SAMSN1: variants seen among roughly 807,000 people sequenced by gnomAD.
SAMSN1 encodes the protein SAM domain, SH3 domain and nuclear localization signals 1.
In SAMSN1, 31 loss-of-function variants were observed where a neutral mutation model predicts 42.0. The observed-to-expected ratio is 0.74, with a 90% confidence interval of 0.55 to 1.00. SAMSN1 has a LOEUF of 1.00. SAMSN1 is among the 50% of genes least tolerant of loss of function. The probability of loss-of-function intolerance (pLI) is 0.00; values close to 1 mark genes in which losing one functional copy is unlikely to be tolerated. For synonymous variants in SAMSN1, 178 were observed against 151.9 expected (o/e 1.17, Z -1.26); for missense variants, 464 against 439.4 (o/e 1.06, Z -0.50).
intron 2 of SAMSN1, among the ~76,000 whole-genome samples, chr21:14,618,079 T>C (rs1982890857): frequency 6.6e-6 from 1 of 152,244 alleles, no homozygotes; most frequent in Non-Finnish European, 1.5e-5. Context: ...TGGTTACTTT[T>C]ACTATGTATG....
At chr21:14,616,977 G>A (rs1020683825) in intron 2 of SAMSN1, among the ~76,000 whole-genome samples, 1 of 152,072 alleles carries the variant, frequency 6.6e-6, no homozygotes, top group African/African-American at 2.4e-5. Context: ...TCTTTATTTT[G>A]TTTGTATCAA....
intron 1 of SAMSN1, among the ~76,000 whole-genome samples, chr21:14,526,237 T>C (rs563428428): frequency 2.0e-5 from 3 of 152,372 alleles, no homozygotes; most frequent in East Asian, 1.9e-4. Context: ...TCATGGTTGT[T>C]TGGAAGTACA....
At chr21:14,489,558 T>G (rs1209085515) in intron 7 of SAMSN1, among the ~76,000 whole-genome samples, 1 of 152,172 alleles carries the variant, frequency 6.6e-6, no homozygotes, top group Non-Finnish European at 1.5e-5. Context: ...GTATCTAAAT[T>G]AGAATACACT....
upstream of SAMSN1, among the ~76,000 whole-genome samples, chr21:14,586,187 C>T (rs377711401): frequency 3.4e-4 from 46 of 133,752 alleles, no homozygotes; most frequent in Admixed American, 1.6e-3. Flanking sequence ...TGCTTGAACC[C>T]GGGAGGCAGA....
intron 6 of SAMSN1, among the ~76,000 whole-genome samples, chr21:14,598,549 A>T (rs187420655): frequency 6.6e-6 from 1 of 152,150 alleles, no homozygotes; most frequent in Admixed American, 6.6e-5. Flanking sequence ...GTTCTCCAGG[A>T]AGTTTATCCC....
intron 1 of SAMSN1, among the ~76,000 whole-genome samples, chr21:14,643,598 G>A (rs1328027950): frequency 6.6e-6 from 1 of 152,208 alleles, no homozygotes; most frequent in Non-Finnish European, 1.5e-5. Flanking sequence ...TTCAATGGCA[G>A]AGGAGGCGAA....
At chr21:14,564,471 C>G (rs1357149770) in intron 2 of SAMSN1, among the ~76,000 whole-genome samples, 2 of 152,104 alleles carry the variant, frequency 1.3e-5, no homozygotes, top group Non-Finnish European at 2.9e-5. Context: ...AACTGTGGTA[C>G]AAAACAGCTA....
chr21:14,521,294 G>T, intron 1 of SAMSN1, 73 bp from the exon 2 acceptor site: 2 of 995,078 alleles, frequency 2.0e-6, no homozygotes, highest in Non-Finnish European at 3.1e-6. Flanking sequence ...AAGTATATTA[G>T]ATTATAGTTT....
At chr21:14,512,763 A>G (rs1987744708) in intron 3 of SAMSN1, among the ~76,000 whole-genome samples, 190 bp from the exon 4 acceptor site, 1 of 152,236 alleles carries the variant, frequency 6.6e-6, no homozygotes, top group Non-Finnish European at 1.5e-5. Flanking sequence ...TGGAAAAATT[A>G]CTCAGATGAC....
intron 1 of SAMSN1, among the ~76,000 whole-genome samples, chr21:14,537,186 G>T (rs949921107): frequency 2.0e-5 from 3 of 152,138 alleles, no homozygotes; most frequent in African/African-American, 7.2e-5. Context: ...CTGCCCCACT[G>T]CTTCTCAAAC....
At chr21:14,573,176 C>A (rs1981354894) in intron 2 of SAMSN1, among the ~76,000 whole-genome samples, 1 of 152,050 alleles carries the variant, frequency 6.6e-6, no homozygotes. Context: ...GTGATGGTGG[C>A]AAAAGCAGAT....
intron 1 of SAMSN1, among the ~76,000 whole-genome samples, chr21:14,540,267 G>T (rs1367492792): frequency 6.6e-6 from 1 of 152,148 alleles, no homozygotes; most frequent in African/African-American, 2.4e-5. Flanking sequence ...AAAAGCAATG[G>T]CAACAAAAGC....
At chr21:14,570,379 T>A (rs1477165685) in intron 2 of SAMSN1, among the ~76,000 whole-genome samples, 1 of 152,196 alleles carries the variant, frequency 6.6e-6, no homozygotes, top group East Asian at 1.9e-4. Flanking sequence ...GTAGAAACAA[T>A]GGCCTATGTC....
intron 6 of SAMSN1, among the ~76,000 whole-genome samples, chr21:14,596,316 G>A (rs1982261542): frequency 6.6e-6 from 1 of 151,966 alleles, no homozygotes; most frequent in Non-Finnish European, 1.5e-5. Context: ...ACGAAATATA[G>A]CCCTATATTC....
At chr21:14,585,145 T>C (rs1205770394), upstream of SAMSN1, among the ~76,000 whole-genome samples, 2 of 152,234 alleles carry the variant, frequency 1.3e-5, no homozygotes, top group Non-Finnish European at 1.5e-5. Context: ...CCAAAGGCCA[T>C]GCTCTGCTCA....
At chr21:14,515,120 G>T (rs992578065) in intron 3 of SAMSN1, among the ~76,000 whole-genome samples, 35 of 152,158 alleles carry the variant, frequency 2.3e-4, no homozygotes, top group African/African-American at 8.4e-4. Context: ...CAGCACTTGG[G>T]TCAAATACAG....
intron 7 of SAMSN1, chr21:14,591,894 G>T (rs1335248928): frequency 1.3e-5 from 2 of 152,108 alleles, no homozygotes; most frequent in Non-Finnish European, 2.9e-5. Flanking sequence ...AAAAAAGAAA[G>T]GAGTCTTTCA....
chr21:14,643,839 G>A (rs568119494), intron 1 of SAMSN1, among the ~76,000 whole-genome samples: 1 of 152,364 alleles, frequency 6.6e-6, no homozygotes, highest in East Asian at 1.9e-4. Flanking sequence ...GCGGCCTGGT[G>A]TGGAGAGCAT....
chr21:14,495,195 C>A (rs1986867387), intron 7 of SAMSN1, among the ~76,000 whole-genome samples: 1 of 152,152 alleles, frequency 6.6e-6, no homozygotes, highest in Admixed American at 6.6e-5. Context: ...TTTATATAAC[C>A]ATATACTCAA....
Sources: allele counts gnomAD v4.1 joint callset (sites outside exome capture counted in the v4.1 genomes callset), GRCh38; gene constraint gnomAD v4.1.1; transcripts MANE v1.5; gene names NCBI Gene and HGNC (gene_info 2026-07-23, HGNC 2026-07-21).